LPAR2: variants seen among roughly 807,000 people sequenced by gnomAD.
LPAR2 encodes lysophosphatidic acid receptor 2.
LPAR2 carries 10 observed loss-of-function variants against 15.6 expected under a neutral mutation model. The observed-to-expected ratio is 0.64, with a 90% confidence interval of 0.39 to 1.09. The LOEUF is 1.09. Among genes scored for constraint, LPAR2 ranks in the 50% least tolerant of loss-of-function variants. The pLI, the probability that LPAR2 is intolerant of heterozygous loss-of-function variation, is 0.01. For synonymous variants in LPAR2, 204 were observed against 207.4 expected, an observed-to-expected ratio of 0.98 and a Z score of 0.14; for missense variants, 413 against 484.6, an observed-to-expected ratio of 0.85 and a Z score of 1.39.
chr19:19,627,909 T>G lies in LPAR2; in HGVS notation c.-1+183A>C, dbSNP rs2061751327. The G allele has an allele frequency of 6.5e-6, 1 of 153,560 alleles. No homozygotes were observed. Among genetic ancestry groups the G allele is most frequent in the Non-Finnish European group, 1.4e-5 (1 of 68,972 alleles). 9.5% of individuals were successfully genotyped at this position (153,560 alleles called of 1,614,324 possible). A position where few individuals can be genotyped will look rare whatever the true frequency, so the allele number is the denominator to read the frequency against. On this transcript the variant is annotated intron_variant, in intron 1 of 2. Coordinates refer to ENST00000407877, the MANE Select transcript of LPAR2 (RefSeq NM_004720.7). This position sits in a 1 kb window ranked among gnomAD's most constrained non-coding sequence, Gnocchi z 4.7. ...GGTGGGACGGAGGACACTGGCGGTC[T>G]CCGGGACAAAGACAGCGGTTGGGGA...
rs545532352 is a variant in LPAR2 at position 19,625,874 on chromosome 19, CT to C, written c.742+668del. The stretch of plus-strand genomic sequence containing the variant: ...ACAGGCTTAGCACTGCTAAAAACTC[CT>C]TTTTTTTTTTTTTTTCTGAGACAGA... On this transcript the variant is annotated intron_variant, in intron 2 of 2. Coordinates refer to ENST00000407877, the MANE Select transcript of LPAR2 (RefSeq NM_004720.7). 6.0e-3 allele frequency among the ~76,000 whole-genome samples: 784 copies of C among 129,830 alleles called. 5 individuals are homozygous for C. Among genetic ancestry groups the C allele is most frequent in the Non-Finnish European group, 8.9e-3 (563 of 63,344 alleles). 85.2% of individuals were successfully genotyped at this position (129,830 alleles called of 152,430 possible).
rs781671346 is a variant in LPAR2 at position 19,627,103 on chromosome 19, C to T, written c.182G>A (p.Arg61His). The change falls in exon 2 of 3, where the codon CGC (arginine) becomes CAC (histidine). Residue 61 changes from arginine to histidine, a missense_variant. Transcript: ENST00000407877. The surrounding 1 kb of genome is among the most constrained non-coding windows in gnomAD (Gnocchi z 4.7). ...GTAGTAGATGGGCTGGTGGAAGCGG[C>T]GGTTGGAGGCGATGGCTGCTATGAC... 7 of 1,611,386 alleles carry T rather than the reference C, an allele frequency of 4.3e-6. No homozygotes were observed. The highest frequency in any genetic ancestry group is 1.3e-5 in the African/African-American group (1 of 75,022).
Position 19,624,485 on chromosome 19 carries a change from A to G in LPAR2, c.827T>C (p.Val276Ala). ...GGCCAACAGTAGGAAGTACTTTTCT[A>G]CAGCCAGGACATTGCAGGACTCACA... The change falls in exon 3 of 3, where the codon GTA becomes GCA. Residue 276 changes from valine to alanine, a missense_variant. Physicochemically the swap from Val to Ala is moderately conservative, Grantham distance 64 (BLOSUM62 0). Transcript: ENST00000407877. 1 of 1,614,134 alleles carries G rather than the reference A, an allele frequency of 6.2e-7. No individual in the cohort carries two copies. Among genetic ancestry groups the G allele is most frequent in the Non-Finnish European group, 8.5e-7 (1 of 1,180,034 alleles).
chr19:19,626,854 CG>C lies in LPAR2; in HGVS notation c.430del (p.Arg144ValfsTer123). On this transcript the variant is annotated frameshift_variant, in exon 2 of 3. Coordinates refer to ENST00000407877, the MANE Select transcript of LPAR2 (RefSeq NM_004720.7). LOFTEE classifies it high-confidence loss of function. This position sits in a 1 kb window ranked among gnomAD's most constrained non-coding sequence, Gnocchi z 5.3. ...CACAATGAGCATGACCACGCGGCCA[CG>C]GGGCAGGCGGCTGTGCAGCTGCACG... 1 of 1,592,748 alleles carries C rather than the reference CG, an allele frequency of 6.3e-7. No homozygotes were observed. Among genetic ancestry groups the C allele is most frequent in the Non-Finnish European group, 8.5e-7 (1 of 1,170,378 alleles).
In LPAR2 at chr19:19,626,447, C is replaced by T. The variant is rs902280165; in HGVS notation, c.742+96G>A. 1.4e-6 allele frequency: 2 copies of T among 1,440,904 alleles called. No homozygotes were observed. Among genetic ancestry groups the T allele is most frequent in the Non-Finnish European group, 1.9e-6 (2 of 1,064,124 alleles). 89.3% of individuals were successfully genotyped at this position (1,440,904 alleles called of 1,614,324 possible). A position where few individuals can be genotyped will look rare whatever the true frequency, so the allele number is the denominator to read the frequency against. On this transcript the variant is annotated intron_variant, in intron 2 of 2. Transcript: ENST00000407877. The surrounding 1 kb of genome is among the most constrained non-coding windows in gnomAD (Gnocchi z 5.3). ...CCCACCTAAATCATCCCCCATCACC[C>T]TCTATCAGGTAGCTTGTTTTGTTCA... is the stretch of plus-strand genomic sequence containing the variant.
In LPAR2 at chr19:19,627,302, C is replaced by A; in HGVS notation, c.1-18G>T. 6.3e-7 allele frequency: 1 copy of A among 1,591,396 alleles called. No homozygotes were observed. Among genetic ancestry groups the A allele is most frequent in the South Asian group, 1.1e-5 (1 of 89,994 alleles). Reference sequence around the variant, plus strand: ...ATGACCATCTGGGGACACAAGAGATCAGTGCATGTGGCACTTCTTGGAAGG... The same window carrying A: ...ATGACCATCTGGGGACACAAGAGATAAGTGCATGTGGCACTTCTTGGAAGG... On this transcript the variant is annotated intron_variant, in intron 1 of 2. Transcript: ENST00000407877. The surrounding 1 kb of genome is among the most constrained non-coding windows in gnomAD (Gnocchi z 4.7).
Position 19,627,007 on chromosome 19 carries a change from C to T in LPAR2, c.278G>A (p.Gly93Asp). 6.2e-7 allele frequency: 1 copy of T among 1,613,756 alleles called. No homozygotes were observed. The highest frequency in any genetic ancestry group is 8.5e-7 in the Non-Finnish European group (1 of 1,179,980). Residue 93 changes from glycine to aspartate, a missense_variant, in exon 2 of 3, where the codon GGT becomes GAT. Physicochemically the swap from Gly to Asp is moderately conservative, Grantham distance 94 (BLOSUM62 -1). Transcript: ENST00000407877. This position sits in a 1 kb window ranked among gnomAD's most constrained non-coding sequence, Gnocchi z 4.7. ...AAGTGAAAGTCGGGCTGTGCGGGGA[C>T]CAGTGTGGAACATGAGGAAGAGGTA...
Position 19,624,837 on chromosome 19 carries a change from T to G in LPAR2, c.743-268A>C, listed in dbSNP as rs937637056. On this transcript the variant is annotated intron_variant, in intron 2 of 2. Coordinates refer to ENST00000407877, the MANE Select transcript of LPAR2 (RefSeq NM_004720.7). ...TGTGTGTGTGTGTGTGTGTGTGAGA[T>G]GGAGTCTCGCTCTGTCGCCAGGCTA... Among the ~76,000 whole-genome samples, 3 of 139,092 alleles carry G rather than the reference T, an allele frequency of 2.2e-5. No homozygotes were observed. The Admixed American group carries it at 2.3e-4, about 11-fold the overall frequency. The allele number at this position is 139,092 out of a possible 152,430, so 91.2% of individuals were successfully genotyped here.
intron 2 of LPAR2, among the ~76,000 whole-genome samples, chr19:19,625,724 A>G (rs2061736118): frequency 6.7e-6 from 1 of 148,770 alleles, no homozygotes; most frequent in Non-Finnish European, 1.5e-5. Flanking sequence ...CAGAAGTTGC[A>G]GTGAGCCGAG....
Position 19,624,369 on chromosome 19 carries a change from G to C in LPAR2, c.943C>G (p.Leu315Val), listed in dbSNP as rs372107088. The stretch of plus-strand genomic sequence containing the variant: ...ACAGACTCGCGGGTGGACTGGCGGA[G>C]GCACGCGCAGCAGAGAAGGCGGCGG... The change falls in exon 3 of 3, where the codon CTC becomes GTC. Residue 315 changes from leucine (L) to valine (V), a missense_variant. Physicochemically the swap from Leu to Val is conservative, Grantham distance 32. Transcript: ENST00000407877. 9.9e-6 allele frequency: 16 copies of C among 1,614,108 alleles called. No homozygotes were observed. The highest frequency in any genetic ancestry group is 1.4e-5 in the Non-Finnish European group (16 of 1,180,054).
chr19:19,624,099 T>G lies in LPAR2; in HGVS notation c.*157A>C. On this transcript the variant is annotated 3_prime_UTR_variant, in exon 3 of 3. Transcript: ENST00000407877. ...CAAAGCCCCCATTCCCTGGGCAGAG[T>G]GGTGTGCCTGGGGAGGCCTGGCAGT... The G allele has an allele frequency of 2.8e-6, 2 of 715,192 alleles. No homozygotes were observed. The highest frequency in any genetic ancestry group is 1.8e-5 in the African/African-American group (1 of 56,438). 44.3% of individuals were successfully genotyped at this position (715,192 alleles called of 1,614,324 possible).
chr19:19,627,154 A>C lies in LPAR2; in HGVS notation c.131T>G (p.Val44Gly). The change falls in exon 2 of 3, where the codon GTG (valine) becomes GGG (glycine). Residue 44 changes from valine (V) to glycine (G), a missense_variant. By Grantham distance (109) the Val-to-Gly change is moderately radical. Coordinates refer to ENST00000407877, the MANE Select transcript of LPAR2 (RefSeq NM_004720.7). The surrounding 1 kb of genome is among the most constrained non-coding windows in gnomAD (Gnocchi z 4.7). ...CAGCAGATTGGTCAGCAGCACCAGCACGCTGACGGTCAGCCCCAGTGCCAC... is the reference window on the plus strand; with the variant it reads ...CAGCAGATTGGTCAGCAGCACCAGCCCGCTGACGGTCAGCCCCAGTGCCAC... 1 of 1,613,286 alleles carries C rather than the reference A, an allele frequency of 6.2e-7. No individual in the cohort carries two copies. The highest frequency in any genetic ancestry group is 8.5e-7 in the Non-Finnish European group (1 of 1,179,970).
rs760397734 is a variant in LPAR2, at chr19:19,627,245, C to T, written c.40G>A (p.Gly14Ser). 1.0e-5 allele frequency: 16 copies of T among 1,606,886 alleles called. No individual in the cohort carries two copies. The highest frequency in any genetic ancestry group is 1.4e-5 in the Non-Finnish European group (16 of 1,179,950). Residue 14 changes from glycine to serine, a missense_variant, in exon 2 of 3, where the codon GGC (glycine) becomes AGC (serine). Transcript: ENST00000407877. This position sits in a 1 kb window ranked among gnomAD's most constrained non-coding sequence, Gnocchi z 4.7. ...TTGCCACTGTTGTTATAGAAGAAGC[C>T]GATGGTCTCGTTGTAGTAGCACTGG...
Position 19,626,863 on chromosome 19 carries a change from C to G in LPAR2, c.422G>C (p.Arg141Pro). 1 of 1,593,398 alleles carries G rather than the reference C, an allele frequency of 6.3e-7. No homozygotes were observed. The highest frequency in any genetic ancestry group is 1.1e-5 in the South Asian group (1 of 89,080). Residue 141 changes from arginine (R) to proline (P), a missense_variant, in exon 2 of 3, where the codon CGC becomes CCC. Coordinates refer to ENST00000407877, the MANE Select transcript of LPAR2 (RefSeq NM_004720.7). This position sits in a 1 kb window ranked among gnomAD's most constrained non-coding sequence, Gnocchi z 5.3. ...CATGACCACGCGGCCACGGGGCAGG[C>G]GGCTGTGCAGCTGCACGGCCATCAC...
In LPAR2 at chr19:19,624,365, C is replaced by T. The variant is rs146420780; in HGVS notation, c.947G>A (p.Arg316His). Reference sequence around the variant, plus strand: ...GTGGACAGACTCGCGGGTGGACTGGCGGAGGCACGCGCAGCAGAGAAGGCG... The same window carrying T: ...GTGGACAGACTCGCGGGTGGACTGGTGGAGGCACGCGCAGCAGAGAAGGCG... Residue 316 changes from arginine to histidine, a missense_variant, in exon 3 of 3, where the codon CGC (arginine) becomes CAC (histidine). Arg to His is a conservative substitution (Grantham distance 29). Coordinates refer to ENST00000407877, the MANE Select transcript of LPAR2 (RefSeq NM_004720.7). The T allele has an allele frequency of 4.1e-4, 662 of 1,614,048 alleles. 1 individual carries two copies. Among genetic ancestry groups the T allele is most frequent in the Middle Eastern group, 3.3e-3 (20 of 6,084 alleles).
Position 19,626,415 on chromosome 19 carries a change from G to A in LPAR2, c.742+128C>T. ...CACATACATTATCACCTCCTTGGAGGACATTCCCCACCTAAATCATCCCCC... is the reference window on the plus strand; with the variant it reads ...CACATACATTATCACCTCCTTGGAGAACATTCCCCACCTAAATCATCCCCC... On this transcript the variant is annotated intron_variant, in intron 2 of 2. Transcript: ENST00000407877. The surrounding 1 kb of genome is among the most constrained non-coding windows in gnomAD (Gnocchi z 5.3). 1 of 1,187,636 alleles carries A rather than the reference G, an allele frequency of 8.4e-7. No homozygotes were observed. Among genetic ancestry groups the A allele is most frequent in the Non-Finnish European group, 1.2e-6 (1 of 836,024 alleles). 73.6% of individuals were successfully genotyped at this position (1,187,636 alleles called of 1,614,324 possible).
Position 19,626,891 on chromosome 19 carries a change from T to C in LPAR2, c.394A>G (p.Ser132Gly). 6.3e-7 allele frequency: 1 copy of C among 1,598,088 alleles called. No homozygotes were observed. The highest frequency in any genetic ancestry group is 8.5e-7 in the Non-Finnish European group (1 of 1,173,240). Residue 132 changes from serine (S) to glycine (G), a missense_variant, in exon 2 of 3, where the codon AGT (serine) becomes GGT (glycine). By Grantham distance (56) the Ser-to-Gly change is moderately conservative (BLOSUM62 0). Coordinates refer to ENST00000407877, the MANE Select transcript of LPAR2 (RefSeq NM_004720.7). The surrounding 1 kb of genome is among the most constrained non-coding windows in gnomAD (Gnocchi z 5.3). ...CTGTGCAGCTGCACGGCCATCACAC[T>C]GCGGTGCCGCTCCACGGCGATGGCC...
At position 19,626,063 on chromosome 19, in the gene LPAR2, A is replaced by C. The variant is rs957484879; in HGVS notation, c.742+480T>G. 6.6e-5 allele frequency among the ~76,000 whole-genome samples: 10 copies of C among 151,752 alleles called. No individual in the cohort carries two copies. Among genetic ancestry groups the C allele is most frequent in the African/African-American group, 2.4e-4 (10 of 41,328 alleles). On this transcript the variant is annotated intron_variant, in intron 2 of 2. Coordinates refer to ENST00000407877, the MANE Select transcript of LPAR2 (RefSeq NM_004720.7). This position sits in a 1 kb window ranked among gnomAD's most constrained non-coding sequence, Gnocchi z 5.3. ...CATACCTGGCTAATTTTGCATTTTT[A>C]GTAGAGATGGGGTTTCTCCATGTTG...
At position 19,625,125 on chromosome 19, in the gene LPAR2, GT is replaced by G. The variant is rs200200761; in HGVS notation, c.743-557del. The stretch of plus-strand genomic sequence containing the variant: ...ATGAGCCACTGCGCCTGGCCTGTGT[GT>G]TTTTTTTTGAGACAGGGTCTCCTTC... On this transcript the variant is annotated intron_variant, in intron 2 of 2. Coordinates refer to ENST00000407877, the MANE Select transcript of LPAR2 (RefSeq NM_004720.7). Among the ~76,000 whole-genome samples the G allele has an allele frequency of 7.2e-3, 1,079 of 150,710 alleles. 18 individuals carry two copies. The highest frequency in any genetic ancestry group is 0.025 in the African/African-American group (1,032 of 41,086).
Sources: gnomAD v4.1 joint callset for allele counts (sites outside exome capture counted in the v4.1 genomes callset) on GRCh38, gnomAD v4.1.1 for gene constraint, Gnocchi (gnomAD v3.1) non-coding constraint, MANE v1.5 for transcripts, NCBI Gene and HGNC (gene_info 2026-07-23, HGNC 2026-07-21) for gene names.